Variants in PHF21A observed in about 807,000 individuals in gnomAD.
PHF21A encodes the protein PHD finger protein 21A, also known as BHC80a.
In PHF21A, 11 loss-of-function variants were observed where a neutral mutation model predicts 82.5. The observed-to-expected ratio is 0.13, with a 90% confidence interval of 0.08 to 0.22. The LOEUF is 0.22. Ranked by LOEUF, PHF21A falls within the 10% of genes least tolerant of loss-of-function variation. The probability of loss-of-function intolerance (pLI) is 1.00; values close to 1 mark genes in which losing one functional copy is unlikely to be tolerated. For missense variants in PHF21A, 579 were observed against 837.8 expected (o/e 0.69, Z 3.81); for synonymous variants, 297 against 302.8 (o/e 0.98, Z 0.20).
intron 6 of PHF21A, among the ~76,000 whole-genome samples, chr11:46,006,450 A>G (rs1349718492): frequency 6.6e-6 from 1 of 152,238 alleles, no homozygotes; most frequent in Non-Finnish European, 1.5e-5. Context: ...TCAGTGTTCT[A>G]TCTTCCTAAA....
chr11:46,116,440 G>GTA (rs1566081301), intron 1 of PHF21A: 1 of 152,064 alleles, frequency 6.6e-6, no homozygotes, highest in Non-Finnish European at 1.5e-5. Flanking sequence ...AGAGTCTATA[G>GTA]AAGAATCAGG....
At chr11:45,950,377 A>G (rs1049191461) in intron 11 of PHF21A, 120 bp from the exon 12 acceptor site, 13 of 674,224 alleles carry the variant, frequency 1.9e-5, no homozygotes, top group Non-Finnish European at 3.1e-5. Flanking sequence ...TGAATGCACA[A>G]GAGCAGGCAT....
intron 6 of PHF21A, among the ~76,000 whole-genome samples, chr11:45,999,383 A>G (rs1002617605): frequency 4.6e-5 from 7 of 152,200 alleles, no homozygotes; most frequent in Non-Finnish European, 7.3e-5. Context: ...TTTCCCTGCT[A>G]GTGGTTGATT....
chr11:46,022,716 C>T (rs898231127), intron 6 of PHF21A, among the ~76,000 whole-genome samples: 1 of 152,194 alleles, frequency 6.6e-6, no homozygotes, highest in African/African-American at 2.4e-5. Flanking sequence ...CCTGCCTCAG[C>T]CTCCCAAGTA....
intron 7 of PHF21A, among the ~76,000 whole-genome samples, chr11:45,979,074 T>C: frequency 6.6e-6 from 1 of 151,750 alleles, no homozygotes; most frequent in Admixed American, 6.6e-5. Context: ...TGGAGTGCAG[T>C]GGTGTGATCT....
chr11:46,102,547 A>T (rs1259572811), intron 1 of PHF21A, among the ~76,000 whole-genome samples: 1 of 152,218 alleles, frequency 6.6e-6, no homozygotes, highest in Non-Finnish European at 1.5e-5. Context: ...TCCATTTTTT[A>T]ATTCTCCAAT....
chr11:46,120,818 G>T (rs1853084623), intron 1 of PHF21A, 117 bp downstream of exon 1: 2 of 152,578 alleles, frequency 1.3e-5, no homozygotes, highest in South Asian at 4.1e-4. Flanking sequence ...CAAGACAGAG[G>T]GAGAGAGGAG....
At chr11:45,959,235 A>G (rs1298968939) in intron 10 of PHF21A, among the ~76,000 whole-genome samples, 1 of 152,204 alleles carries the variant, frequency 6.6e-6, no homozygotes, top group East Asian at 1.9e-4. Flanking sequence ...AAGGTTAACT[A>G]TGTGAGGAGA....
Position 45,971,174 on chromosome 11 carries a change from T to C in PHF21A, c.554A>G (p.Lys185Arg). The change falls in exon 8 of 19, where the codon AAG becomes AGG. Residue 185 changes from lysine to arginine, a missense_variant. By Grantham distance (26) the Lys-to-Arg change is conservative. Around this residue, in one of 3 missense-constraint regions of PHF21A, gnomAD observed 410 missense variants for 642.1 expected, o/e 0.64. Transcript: ENST00000676320. The part of the protein sequence containing the change: ...NTPVNLQTSS[K>R]VTGPGAEAVQ... ...AGCCTCTGCCCCAGGCCCAGTGACC[T>C]TACTAGACGTCTGGAGGTTGACTGG... 6.2e-7 allele frequency: 1 copy of C among 1,614,198 alleles called. No homozygotes were observed.
intron 6 of PHF21A, among the ~76,000 whole-genome samples, chr11:46,015,105 T>G (rs935418623): frequency 1.3e-5 from 2 of 152,220 alleles, no homozygotes; most frequent in African/African-American, 2.4e-5. Flanking sequence ...TTAGCAATGT[T>G]GAGCATTTTT....
chr11:46,075,423 GA>G (rs1368144915), intron 6 of PHF21A, among the ~76,000 whole-genome samples: 1 of 152,154 alleles, frequency 6.6e-6, no homozygotes, highest in African/African-American at 2.4e-5. Flanking sequence ...AACTAACCCT[GA>G]AACTATAAGG....
intron 1 of PHF21A, among the ~76,000 whole-genome samples, chr11:46,097,529 A>C (rs771179559): frequency 6.6e-6 from 1 of 152,196 alleles, no homozygotes; most frequent in Non-Finnish European, 1.5e-5. Flanking sequence ...AAAGAATACT[A>C]AAATAAAGAC....
At chr11:46,007,946 G>A (rs1327622046) in intron 6 of PHF21A, among the ~76,000 whole-genome samples, 4 of 151,992 alleles carry the variant, frequency 2.6e-5, no homozygotes, top group South Asian at 2.1e-4. Context: ...ATTTTTAATC[G>A]CATATCTGCT....
chr11:45,987,564 G>A (rs1000789719), intron 6 of PHF21A, among the ~76,000 whole-genome samples: 1 of 149,252 alleles, frequency 6.7e-6, no homozygotes, highest in African/African-American at 2.5e-5. Flanking sequence ...GGGAGGCTGA[G>A]GCAGGAGAAT....
At chr11:45,940,264 C>T (rs539491195) in intron 15 of PHF21A, among the ~76,000 whole-genome samples, 9 of 151,804 alleles carry the variant, frequency 5.9e-5, no homozygotes, top group African/African-American at 1.9e-4. Flanking sequence ...GGCGCGATCT[C>T]GGCTCACTGC....
chr11:46,010,971 T>TTC (rs148137663), intron 6 of PHF21A, among the ~76,000 whole-genome samples: 1 of 151,410 alleles, frequency 6.6e-6, no homozygotes, highest in Non-Finnish European at 1.5e-5. Flanking sequence ...AACTTTCTCT[T>TTC]TCTCTCTCTC....
intron 10 of PHF21A, among the ~76,000 whole-genome samples, chr11:45,956,672 T>TTATA (rs773959586): frequency 1.3e-4 from 19 of 151,922 alleles, no homozygotes; most frequent in Admixed American, 2.6e-4. Context: ...AAGAAAATAA[T>TTATA]TATATACAGA....
Position 45,934,129 on chromosome 11 carries a change from T to C in PHF21A, c.1885A>G (p.Ile629Val), listed in dbSNP as rs146779650. The stretch of plus-strand genomic sequence containing the variant: ...GAGTCTACAGGTTTGGAGAGGTCGA[T>C]GCCGTGGATGAGGCGAATCAGCTGT... ...VKQLIRLIHG[I>V]DLSKPVDSEA... The change falls in exon 19 of 19, where the codon ATC becomes GTC. Residue 629 changes from isoleucine to valine, a missense_variant. Physicochemically the swap from Ile to Val is conservative, Grantham distance 29. Coordinates refer to ENST00000676320, the MANE Select transcript of PHF21A (RefSeq NM_001352027.3). The C allele has an allele frequency of 3.1e-6, 5 of 1,614,044 alleles. No individual in the cohort carries two copies. Among genetic ancestry groups the C allele is most frequent in the African/African-American group, 1.3e-5 (1 of 74,928 alleles).
intron 6 of PHF21A, among the ~76,000 whole-genome samples, chr11:46,014,535 G>A (rs1228072522): frequency 2.0e-5 from 3 of 152,140 alleles, no homozygotes; most frequent in African/African-American, 7.2e-5. Context: ...ATCCAGTAAT[G>A]GGATTGCTGG....
Sources: allele counts gnomAD v4.1 joint callset (sites outside exome capture counted in the v4.1 genomes callset), GRCh38; gene constraint gnomAD v4.1.1; regional missense constraint gnomAD v4.1.1; transcripts MANE v1.5; gene names NCBI Gene and HGNC (gene_info 2026-07-23, HGNC 2026-07-21).